CNTLN: variants seen among roughly 807,000 people sequenced by gnomAD.
The protein encoded by CNTLN is centlein.
A neutral mutation model predicts 180.0 loss-of-function variants in CNTLN; 212 were observed. The observed-to-expected ratio is 1.18, with a 90% CI of 1.05 to 1.32. CNTLN has a LOEUF of 1.32. CNTLN is among the 40% of genes most tolerant of loss of function. The pLI, the probability that CNTLN is intolerant of heterozygous loss-of-function variation, is 0.00. For missense variants in CNTLN, 2,095 were observed against 1,610.9 expected, an observed-to-expected ratio of 1.30 and a Z score of -5.14; for synonymous variants, 722 against 563.1, an observed-to-expected ratio of 1.28 and a Z score of -3.99.
At chr9:17,400,103 CAT>C (rs1157580327) in intron 15 of CNTLN, among the ~76,000 whole-genome samples, 2 of 152,024 alleles carry the variant, frequency 1.3e-5, no homozygotes, top group East Asian at 3.9e-4. Flanking sequence ...ATAAAAGAAA[CAT>C]ATTTTTTCTC....
chr9:17,191,323 A>G (rs936298284), intron 2 of CNTLN, among the ~76,000 whole-genome samples: 1 of 152,240 alleles, frequency 6.6e-6, no homozygotes, highest in Non-Finnish European at 1.5e-5. Flanking sequence ...ATGTAAGGCA[A>G]TCTAACATTG....
chr9:17,202,265 A>G (rs1822583869), intron 2 of CNTLN, among the ~76,000 whole-genome samples: 1 of 152,126 alleles, frequency 6.6e-6, no homozygotes, highest in African/African-American at 2.4e-5. Flanking sequence ...TATGTGGTCA[A>G]TTTTAGAATA....
chr9:17,425,604 G>A (rs1829026874), intron 18 of CNTLN, among the ~76,000 whole-genome samples: 1 of 152,138 alleles, frequency 6.6e-6, no homozygotes, highest in South Asian at 2.1e-4. Flanking sequence ...CTTTGGAATT[G>A]GGTAATAGCT....
At chr9:17,220,421 T>C (rs1256777153) in intron 2 of CNTLN, among the ~76,000 whole-genome samples, 1 of 152,108 alleles carries the variant, frequency 6.6e-6, no homozygotes, top group African/African-American at 2.4e-5. Flanking sequence ...TTAAAAACAT[T>C]TAAGTTTAGG....
the CNTLN span, among the ~76,000 whole-genome samples, chr9:17,511,457 A>C: frequency 6.6e-6 from 1 of 152,176 alleles, no homozygotes; most frequent in Non-Finnish European, 1.5e-5. Flanking sequence ...AGTCATCGCA[A>C]GGCTTGACTC....
intron 7 of CNTLN, chr9:17,299,735 T>G (rs1215888570): frequency 1.0e-6 from 1 of 983,558 alleles, no homozygotes; most frequent in Admixed American, 6.1e-5. Flanking sequence ...TTTGAAACAC[T>G]GTACTTTATT....
intron 18 of CNTLN, among the ~76,000 whole-genome samples, chr9:17,452,913 G>C (rs1298423131): frequency 1.3e-5 from 2 of 152,078 alleles, no homozygotes; most frequent in African/African-American, 4.8e-5. Context: ...GAGGCTTTTT[G>C]CTTGTCAGTT....
At chr9:17,157,845 A>G (rs1005994635) in intron 2 of CNTLN, among the ~76,000 whole-genome samples, 2 of 152,202 alleles carry the variant, frequency 1.3e-5, no homozygotes, top group Non-Finnish European at 2.9e-5. Context: ...TAGTGATGCA[A>G]AGCAACCACA....
At chr9:17,340,986 T>C in intron 11 of CNTLN, 38 bp downstream of exon 11, 6 of 1,575,438 alleles carry the variant, frequency 3.8e-6, no homozygotes, top group Non-Finnish European at 5.2e-6. Flanking sequence ...TCCCTAAATA[T>C]TAAATGGAAT....
At chr9:17,310,035 A>G (rs771990567) in intron 8 of CNTLN, among the ~76,000 whole-genome samples, 1 of 152,146 alleles carries the variant, frequency 6.6e-6, no homozygotes, top group Admixed American at 6.5e-5. Flanking sequence ...GACTTCAGGC[A>G]TACAATATTG....
At chr9:17,491,205 T>C (rs565578399) in intron 25 of CNTLN, among the ~76,000 whole-genome samples, 2 of 152,206 alleles carry the variant, frequency 1.3e-5, no homozygotes, top group South Asian at 4.1e-4. Context: ...GAAATTAAGC[T>C]GAGCCTGTGC....
intron 2 of CNTLN, among the ~76,000 whole-genome samples, chr9:17,207,060 C>A (rs1232623304): frequency 6.6e-6 from 1 of 152,146 alleles, no homozygotes; most frequent in South Asian, 2.1e-4. Flanking sequence ...CCGCCACAGT[C>A]TGGTGAGTGC....
intron 2 of CNTLN, among the ~76,000 whole-genome samples, chr9:17,221,711 C>G (rs1220349584): frequency 1.3e-5 from 2 of 151,964 alleles, no homozygotes; most frequent in African/African-American, 4.8e-5. Flanking sequence ...TGTTCATCAT[C>G]CTATTTTTTC....
chr9:17,190,740 G>C (rs1458161081), intron 2 of CNTLN, among the ~76,000 whole-genome samples: 1 of 152,120 alleles, frequency 6.6e-6, no homozygotes, highest in Admixed American at 6.5e-5. Flanking sequence ...GACTTGAAAA[G>C]TATGAGTCTG....
At chr9:17,156,316 G>A (rs146974955) in intron 2 of CNTLN, among the ~76,000 whole-genome samples, 9 of 152,194 alleles carry the variant, frequency 5.9e-5, no homozygotes, top group East Asian at 5.8e-4. Flanking sequence ...CAGAACCATC[G>A]TATCATCATC....
chr9:17,438,235 G>A (rs1206078262), intron 18 of CNTLN, among the ~76,000 whole-genome samples: 3 of 151,944 alleles, frequency 2.0e-5, no homozygotes, highest in Non-Finnish European at 2.9e-5. Context: ...ACTAAGGCTC[G>A]AGAGACTAGA....
At chr9:17,475,534 AGAAG>A (rs1443852324) in intron 23 of CNTLN, among the ~76,000 whole-genome samples, 1 of 145,050 alleles carries the variant, frequency 6.9e-6, no homozygotes, top group Non-Finnish European at 1.5e-5. Context: ...GAACAGGGAA[AGAAG>A]GAAGGGAGGG....
At chr9:17,440,526 T>C (rs1218994307) in intron 18 of CNTLN, among the ~76,000 whole-genome samples, 1 of 147,178 alleles carries the variant, frequency 6.8e-6, no homozygotes, top group Non-Finnish European at 1.5e-5. Flanking sequence ...GAGACGGAGC[T>C]TGAAGTGAGC....
intron 2 of CNTLN, among the ~76,000 whole-genome samples, chr9:17,202,932 G>A (rs563934622): frequency 1.5e-3 from 225 of 152,106 alleles, no homozygotes; most frequent in Non-Finnish European, 1.7e-3. Context: ...TCATAGTGTC[G>A]TTGGTCTTTA....
Sources: gnomAD v4.1 joint callset for allele counts (sites outside exome capture counted in the v4.1 genomes callset) on GRCh38, gnomAD v4.1.1 for gene constraint, MANE v1.5 for transcripts, NCBI Gene and HGNC (gene_info 2026-07-23, HGNC 2026-07-21) for gene names.